SLC14A2: variants seen among roughly 807,000 people sequenced by gnomAD.
The protein encoded by SLC14A2 is urea transporter 2.
Under a neutral mutation model 104.6 loss-of-function variants are expected in SLC14A2, and 91 were observed. The ratio of observed to expected loss-of-function variants is 0.87; its 90% confidence interval spans 0.73 to 1.04. SLC14A2 has a LOEUF of 1.04. Ranked by LOEUF, SLC14A2 falls within the 50% of genes least tolerant of loss-of-function variation. SLC14A2 has a pLI of 0.00. For missense variants in SLC14A2, 1,189 were observed against 1,156.0 expected (o/e 1.03, Z -0.41); for synonymous variants, 476 against 466.4 (o/e 1.02, Z -0.27).
chr18:45,412,129 A>G (rs762156209), intron 1 of SLC14A2, among the ~76,000 whole-genome samples: 3 of 152,180 alleles, frequency 2.0e-5, no homozygotes, highest in Non-Finnish European at 4.4e-5. Context: ...CCACTGCCTC[A>G]AGACTTGCCT....
chr18:45,474,391 T>TA (rs2087316032), intron 1 of SLC14A2, among the ~76,000 whole-genome samples: 1 of 152,178 alleles, frequency 6.6e-6, no homozygotes, highest in African/African-American at 2.4e-5. Flanking sequence ...GTTGGCCCAG[T>TA]AAAATGAGTT....
chr18:45,343,118 T>C (rs1321458453), intron 1 of SLC14A2, among the ~76,000 whole-genome samples: 1 of 150,898 alleles, frequency 6.6e-6, no homozygotes, highest in Non-Finnish European at 1.5e-5. Flanking sequence ...CTATCCATGC[T>C]GCTGCTGAAA....
intron 1 of SLC14A2, among the ~76,000 whole-genome samples, chr18:45,413,756 C>A (rs574674329): frequency 6.6e-6 from 1 of 152,212 alleles, no homozygotes; most frequent in South Asian, 2.1e-4. Context: ...AGTTTGGATC[C>A]CATTTCTACT....
intron 2 of SLC14A2, among the ~76,000 whole-genome samples, chr18:45,487,505 A>T (rs1406074434): frequency 6.6e-6 from 1 of 152,184 alleles, no homozygotes; most frequent in Admixed American, 6.5e-5. Flanking sequence ...TCTGCCTACC[A>T]TGGGGAGGAA....
intron 1 of SLC14A2, among the ~76,000 whole-genome samples, chr18:45,263,106 G>A (rs984846858): frequency 1.3e-5 from 2 of 152,250 alleles, no homozygotes; most frequent in East Asian, 1.9e-4. Context: ...AGGGACCTAC[G>A]TCACATTGAG....
rs1273009770 is a variant in SLC14A2, at chr18:45,667,909, C to T, written c.1794C>T (p.Leu598=). ...TSQVMFVNNP[L]SGILIILGLF... ...AAGTGATGTTTGTGAACAACCCCCTCAGCGGCATCCTCATCATCCTCGGCC... is the reference window on the plus strand; with the variant it reads ...AAGTGATGTTTGTGAACAACCCCCTTAGCGGCATCCTCATCATCCTCGGCC... The change falls in exon 14 of 20, where the codon CTC becomes CTT. Residue 598 remains leucine (L), a synonymous_variant. Coordinates refer to ENST00000255226, the MANE Select transcript of SLC14A2 (RefSeq NM_007163.4). 3 of 1,614,022 alleles carry T rather than the reference C, an allele frequency of 1.9e-6. No individual in the cohort carries two copies. In the African/African-American group the frequency reaches 4.0e-5, roughly 22 times the overall value.
intron 1 of SLC14A2, among the ~76,000 whole-genome samples, chr18:45,298,677 TATC>T (rs1350109602): frequency 6.6e-5 from 10 of 152,206 alleles, no homozygotes; most frequent in African/African-American, 2.2e-4. Context: ...TGTATATTAA[TATC>T]ATTCTAATTA....
chr18:45,189,895 C>T, the SLC14A2 span, among the ~76,000 whole-genome samples: 1 of 152,090 alleles, frequency 6.6e-6, no homozygotes, highest in East Asian at 1.9e-4. Flanking sequence ...CAGTCCCATC[C>T]TAGTTTACAT....
intron 1 of SLC14A2, among the ~76,000 whole-genome samples, chr18:45,259,434 A>G (rs2084513293): frequency 6.6e-6 from 1 of 152,202 alleles, no homozygotes; most frequent in South Asian, 2.1e-4. Flanking sequence ...ATCTATGGGA[A>G]TTCATTTCAC....
chr18:45,601,294 T>C (rs1262786073), intron 2 of SLC14A2, among the ~76,000 whole-genome samples: 2 of 152,300 alleles, frequency 1.3e-5, no homozygotes, highest in South Asian at 2.1e-4. Context: ...GAAAAACCCA[T>C]GGGGTCATAA....
chr18:45,531,859 T>A (rs1568262607), intron 2 of SLC14A2, among the ~76,000 whole-genome samples: 1 of 152,214 alleles, frequency 6.6e-6, no homozygotes, highest in Non-Finnish European at 1.5e-5. Flanking sequence ...CTTTAATCCA[T>A]CTTGAATTAC....
chr18:45,402,570 C>T (rs932186206), intron 1 of SLC14A2, among the ~76,000 whole-genome samples: 2 of 152,160 alleles, frequency 1.3e-5, no homozygotes, highest in African/African-American at 4.8e-5. Flanking sequence ...CCCAGTAGAT[C>T]TTGTCAACAT....
chr18:45,616,549 C>T (rs1270707956), intron 1 of SLC14A2, among the ~76,000 whole-genome samples: 1 of 151,986 alleles, frequency 6.6e-6, no homozygotes, highest in Non-Finnish European at 1.5e-5. Context: ...GATAATTTAC[C>T]CATCACCAGT....
chr18:45,457,718 C>T (rs1170510152), intron 1 of SLC14A2, among the ~76,000 whole-genome samples: 1 of 151,852 alleles, frequency 6.6e-6, no homozygotes, highest in Non-Finnish European at 1.5e-5. Flanking sequence ...ATCTGCATGG[C>T]CAAGAACACA....
intron 2 of SLC14A2, among the ~76,000 whole-genome samples, chr18:45,569,201 ATTTC>A (rs1237676624): frequency 1.3e-5 from 2 of 152,058 alleles, no homozygotes; most frequent in African/African-American, 4.8e-5. Context: ...TCTTCTATTT[ATTTC>A]TATCTTCACC....
chr18:45,382,598 G>T (rs533396713), intron 1 of SLC14A2, among the ~76,000 whole-genome samples: 51 of 152,278 alleles, frequency 3.3e-4, no homozygotes, highest in Non-Finnish European at 6.2e-4. Context: ...TTATAGAAAA[G>T]AATTCTATGC....
chr18:45,494,900 T>TCACA (rs531108146), intron 2 of SLC14A2, among the ~76,000 whole-genome samples: 21,083 of 96,460 alleles, frequency 0.22, 1,565 homozygotes, highest in Middle Eastern at 0.33. Context: ...AATCGGGTCA[T>TCACA]CACACACACA....
chr18:45,212,724 C>T (rs1599576706), upstream of SLC14A2, among the ~76,000 whole-genome samples: 1 of 152,278 alleles, frequency 6.6e-6, no homozygotes, highest in East Asian at 1.9e-4. Context: ...AGAACACACA[C>T]GTATGCCACC....
intron 1 of SLC14A2, among the ~76,000 whole-genome samples, chr18:45,335,772 G>A (rs2085332183): frequency 6.6e-6 from 1 of 152,254 alleles, no homozygotes; most frequent in Admixed American, 6.5e-5. Context: ...AGCTGCCAAG[G>A]TTTTACTGCA....
Sources: gnomAD v4.1 joint callset for allele counts (sites outside exome capture counted in the v4.1 genomes callset) on GRCh38, gnomAD v4.1.1 for gene constraint, MANE v1.5 for transcripts, NCBI Gene and HGNC (gene_info 2026-07-23, HGNC 2026-07-21) for gene names.